The following ARHGAP31 variants were observed in gnomAD, a reference collection of about 807,000 sequenced individuals.
ARHGAP31 encodes the protein Rho GTPase activating protein 31.
Under a neutral mutation model 113.9 loss-of-function variants are expected in ARHGAP31, and 34 were observed. That is an observed-to-expected ratio of 0.30 (90% confidence interval 0.23 to 0.40). The LOEUF (loss-of-function observed/expected upper bound fraction) is 0.40, where lower values mean the gene tolerates loss of function less well. ARHGAP31 is among the 10% of genes least tolerant of loss of function. The pLI, the probability that ARHGAP31 is intolerant of heterozygous loss-of-function variation, is 1.00. For missense variants in ARHGAP31, 1,548 were observed against 1,767.1 expected (o/e 0.88, Z 2.22); for synonymous variants, 650 against 684.8 (o/e 0.95, Z 0.79).
chr3:119,301,485 T>A (rs1321592730), intron 1 of ARHGAP31, among the ~76,000 whole-genome samples: 2 of 152,200 alleles, frequency 1.3e-5, no homozygotes, highest in African/African-American at 4.8e-5. Context: ...TAGTTTTTGA[T>A]GCATTTGCTT....
intron 2 of ARHGAP31, among the ~76,000 whole-genome samples, chr3:119,366,541 T>C (rs1053337136): frequency 6.6e-6 from 1 of 152,176 alleles, no homozygotes; most frequent in Non-Finnish European, 1.5e-5. Flanking sequence ...TAGTACTCCA[T>C]TTATTAGAGT....
At chr3:119,336,987 T>A (rs1484951682) in intron 1 of ARHGAP31, among the ~76,000 whole-genome samples, 3 of 152,268 alleles carry the variant, frequency 2.0e-5, no homozygotes, top group Non-Finnish European at 4.4e-5. Context: ...TGTTAGTACT[T>A]AAGTCCTTTT....
rs1428873687 is a variant in ARHGAP31 at position 119,419,171 on chromosome 3, G to A, written c.*2907G>A. On this transcript the variant is annotated 3_prime_UTR_variant, in exon 12 of 12. Transcript: ENST00000264245. ...CTGTGTTTAGGAGGATTTACCTGGT[G>A]CCCTAGAAAGGGCTATGCAATCAAA... 1 of 152,168 alleles carries A rather than the reference G, an allele frequency of 6.6e-6. No individual in the cohort carries two copies. The highest frequency in any genetic ancestry group is 1.5e-5 in the Non-Finnish European group (1 of 68,030). 9.4% of individuals were successfully genotyped at this position (152,168 alleles called of 1,614,324 possible).
intron 11 of ARHGAP31, among the ~76,000 whole-genome samples, chr3:119,413,316 C>T (rs1487295852): frequency 6.6e-5 from 6 of 91,474 alleles, no homozygotes; most frequent in Admixed American, 5.7e-4. Flanking sequence ...GACTCTGTCT[C>T]AAAAAAAAAA....
chr3:119,314,862 C>G (rs1234049849), intron 1 of ARHGAP31: 2 of 152,238 alleles, frequency 1.3e-5, no homozygotes, highest in African/African-American at 4.8e-5. Flanking sequence ...AGTTTAGGCA[C>G]TTGTGTTCAG....
At chr3:119,347,415 C>G (rs985086715) in intron 1 of ARHGAP31, among the ~76,000 whole-genome samples, 2 of 152,246 alleles carry the variant, frequency 1.3e-5, no homozygotes, top group Admixed American at 1.3e-4. Flanking sequence ...TGATTTAAGA[C>G]TGTATCAGGT....
intron 1 of ARHGAP31, among the ~76,000 whole-genome samples, chr3:119,318,674 C>T (rs764225119): frequency 5.3e-5 from 8 of 152,204 alleles, no homozygotes; most frequent in Non-Finnish European, 7.3e-5. Flanking sequence ...TAGACTTTCT[C>T]TCTATGACAG....
At chr3:119,307,939 GC>G (rs1208430987) in intron 1 of ARHGAP31, among the ~76,000 whole-genome samples, 2 of 1,646 alleles carry the variant, frequency 1.2e-3, no homozygotes, top group Non-Finnish European at 2.7e-3. Flanking sequence ...TGAATTAACA[GC>G]AAAAAAAAAA....
intron 1 of ARHGAP31, among the ~76,000 whole-genome samples, chr3:119,343,969 G>A (rs1233350156): frequency 6.6e-6 from 1 of 152,224 alleles, no homozygotes; most frequent in African/African-American, 2.4e-5. Context: ...GGCCCTGGAG[G>A]GCAAATAGGA....
intron 1 of ARHGAP31, among the ~76,000 whole-genome samples, chr3:119,330,839 C>T (rs1053023060): frequency 2.4e-4 from 36 of 152,270 alleles, no homozygotes; most frequent in Non-Finnish European, 4.7e-4. Flanking sequence ...ACACATATTA[C>T]GCATAGGAAC....
chr3:119,413,282 A>G (rs971112968), intron 11 of ARHGAP31, among the ~76,000 whole-genome samples: 1 of 148,698 alleles, frequency 6.7e-6, no homozygotes, highest in South Asian at 2.1e-4. Flanking sequence ...ACACCATTGC[A>G]CTCCAGCCTG....
At chr3:119,366,465 AT>A (rs567477311) in intron 2 of ARHGAP31, among the ~76,000 whole-genome samples, 188 of 152,260 alleles carry the variant, frequency 1.2e-3, no homozygotes, top group Non-Finnish European at 2.4e-3. Context: ...GTTAAAAAAA[AT>A]AATTGGTTTA....
intron 1 of ARHGAP31, among the ~76,000 whole-genome samples, chr3:119,295,384 T>G (rs1364589840): frequency 6.6e-6 from 1 of 151,332 alleles, no homozygotes; most frequent in Non-Finnish European, 1.5e-5. Context: ...TCAGTGGTCT[T>G]GCCTGGGTAC....
chr3:119,394,380 G>A (rs1391175771), intron 8 of ARHGAP31, among the ~76,000 whole-genome samples: 1 of 152,164 alleles, frequency 6.6e-6, no homozygotes, highest in Non-Finnish European at 1.5e-5. Flanking sequence ...GATTTTTAAA[G>A]AAGGATGCTA....
At chr3:119,298,238 C>T (rs2079550458) in intron 1 of ARHGAP31, among the ~76,000 whole-genome samples, 1 of 152,192 alleles carries the variant, frequency 6.6e-6, no homozygotes, top group Non-Finnish European at 1.5e-5. Flanking sequence ...AACCAGCTAA[C>T]TTTCTCTTCC....
chr3:119,393,206 C>T (rs937647513), intron 7 of ARHGAP31, among the ~76,000 whole-genome samples: 1 of 152,132 alleles, frequency 6.6e-6, no homozygotes, highest in African/African-American at 2.4e-5. Flanking sequence ...TGTTTGCCCC[C>T]ACCTCTGCCT....
intron 3 of ARHGAP31, among the ~76,000 whole-genome samples, chr3:119,377,886 G>A (rs978042270): frequency 6.6e-6 from 1 of 152,126 alleles, no homozygotes; most frequent in Non-Finnish European, 1.5e-5. Context: ...CAGCTGGGGT[G>A]CAGTTGGAAG....
chr3:119,416,050 C>T lies in ARHGAP31; in HGVS notation c.4121C>T (p.Ser1374Phe), dbSNP rs886043818. Residue 1374 changes from serine (S) to phenylalanine (F), a missense_variant, in exon 12 of 12, where the codon TCC (serine) becomes TTC (phenylalanine). Transcript: ENST00000264245. ...STVTDSKVLL[S>F]PIRSPTQTVS... ...GTGACAGATTCCAAGGTCCTGCTGT[C>T]CCCTATCAGAAGTCCCACCCAGACA... 1.2e-6 allele frequency: 2 copies of T among 1,614,204 alleles called. No individual in the cohort carries two copies. The highest frequency in any genetic ancestry group is 1.7e-6 in the Non-Finnish European group (2 of 1,180,046).
rs2080787679 is a variant in ARHGAP31, at chr3:119,417,396, GTATTT to G, written c.*1140_*1144del. ...ACTGAGAGTTGCCCTTCTTAAAAATGTATTTTATTTTAGCCAGTGGGTCCCTTCCT... is the reference window on the plus strand; with the variant it reads ...ACTGAGAGTTGCCCTTCTTAAAAATGTATTTTAGCCAGTGGGTCCCTTCCT... On this transcript the variant is annotated 3_prime_UTR_variant, in exon 12 of 12. Coordinates refer to ENST00000264245, the MANE Select transcript of ARHGAP31 (RefSeq NM_020754.4). 1 of 152,106 alleles carries G rather than the reference GTATTT, an allele frequency of 6.6e-6. No individual in the cohort carries two copies. The highest frequency in any genetic ancestry group is 1.5e-5 in the Non-Finnish European group (1 of 68,040). 9.4% of individuals were successfully genotyped at this position (152,106 alleles called of 1,614,324 possible). A position where few individuals can be genotyped will look rare whatever the true frequency, so the allele number is the denominator to read the frequency against.
Sources: allele counts gnomAD v4.1 joint callset (sites outside exome capture counted in the v4.1 genomes callset), GRCh38; gene constraint gnomAD v4.1.1; transcripts MANE v1.5; gene names NCBI Gene and HGNC (gene_info 2026-07-23, HGNC 2026-07-21).